Variants in SORBS2 observed in about 807,000 individuals in gnomAD.
SORBS2 encodes sorbin and SH3 domain containing 2, also known as sorbin and SH3 domain-containing protein 2.
SORBS2 carries 46 observed loss-of-function variants against 97.7 expected under a neutral mutation model. The observed-to-expected ratio is 0.47, with a 90% CI of 0.37 to 0.60. The LOEUF is 0.60. Ranked by LOEUF, SORBS2 falls within the 20% of genes least tolerant of loss-of-function variation. The probability of loss-of-function intolerance (pLI) is 0.00; values close to 1 mark genes in which losing one functional copy is unlikely to be tolerated. For synonymous variants in SORBS2, 476 were observed against 473.4 expected (o/e 1.01, Z -0.07); for missense variants, 1,316 against 1,282.3 (o/e 1.03, Z -0.40).
At chr4:185,808,832 ATTAGTT>A (rs929762733) in intron 1 of SORBS2, among the ~76,000 whole-genome samples, 30 of 152,326 alleles carry the variant, frequency 2.0e-4, no homozygotes, top group African/African-American at 5.8e-4. Context: ...TCAACTCAAC[ATTAGTT>A]TTAAACAGTC....
At chr4:185,915,279 T>C (rs1299205518) in intron 1 of SORBS2, among the ~76,000 whole-genome samples, 1 of 152,272 alleles carries the variant, frequency 6.6e-6, no homozygotes, top group Non-Finnish European at 1.5e-5. Context: ...TCCTCAGTTT[T>C]ATCTCATAGA....
chr4:185,885,229 A>G (rs1475619142), intron 1 of SORBS2, among the ~76,000 whole-genome samples: 1 of 152,248 alleles, frequency 6.6e-6, no homozygotes, highest in Non-Finnish European at 1.5e-5. Context: ...TGGGAAAGTT[A>G]GCAAATCCTC....
chr4:185,718,110 A>G (rs2153557216), intron 2 of SORBS2, among the ~76,000 whole-genome samples: 1 of 152,262 alleles, frequency 6.6e-6, no homozygotes, highest in South Asian at 2.1e-4. Flanking sequence ...GGGCGCCTAT[A>G]ATCCCAGCTA....
intron 1 of SORBS2, among the ~76,000 whole-genome samples, chr4:185,943,055 A>T (rs920872822): frequency 6.6e-6 from 1 of 152,236 alleles, no homozygotes; most frequent in Admixed American, 6.5e-5. Flanking sequence ...AGGTGGTTTA[A>T]TGCAACAATA....
chr4:185,666,018 A>G (rs1402065413), intron 4 of SORBS2: 1 of 1,289,140 alleles, frequency 7.8e-7, no homozygotes, highest in African/African-American at 1.5e-5. Context: ...GCAGGCGTGA[A>G]GACCCCACAC....
chr4:185,857,529 C>G (rs1173731404), intron 1 of SORBS2, among the ~76,000 whole-genome samples: 1 of 152,142 alleles, frequency 6.6e-6, no homozygotes, highest in Non-Finnish European at 1.5e-5. Flanking sequence ...TGAAAAAGAA[C>G]AGAATAACAG....
At chr4:185,669,989 C>A (rs757371698) in intron 4 of SORBS2, among the ~76,000 whole-genome samples, 4 of 152,070 alleles carry the variant, frequency 2.6e-5, no homozygotes, top group African/African-American at 9.7e-5. Context: ...GAGGCTGAGG[C>A]GGGCAGATCA....
chr4:185,919,518 A>T (rs778667198), intron 1 of SORBS2: 2 of 152,206 alleles, frequency 1.3e-5, no homozygotes, highest in Non-Finnish European at 2.9e-5. Flanking sequence ...CAAGCATTTG[A>T]TAATAATTAA....
At chr4:185,638,983 G>GTCGGGA (rs749955040) in intron 4 of SORBS2, 1 of 1,523,754 alleles carries the variant, frequency 6.6e-7, no homozygotes, top group South Asian at 1.2e-5. Flanking sequence ...GCTAGAAAGA[G>GTCGGGA]GCTTCCGGCC....
chr4:185,783,011 T>C (rs893558702), intron 1 of SORBS2, among the ~76,000 whole-genome samples: 5 of 152,166 alleles, frequency 3.3e-5, no homozygotes, highest in African/African-American at 4.8e-5. Context: ...TTCTGAGACA[T>C]TAAAAAACTG....
At chr4:185,626,083 C>T (rs1032316017) in intron 6 of SORBS2, among the ~76,000 whole-genome samples, 7 of 151,888 alleles carry the variant, frequency 4.6e-5, no homozygotes, top group Non-Finnish European at 8.8e-5. Flanking sequence ...CAGAAATATT[C>T]CTGTCCTCAA....
chr4:185,644,166 AG>A (rs913768454), intron 4 of SORBS2, among the ~76,000 whole-genome samples: 4 of 152,106 alleles, frequency 2.6e-5, no homozygotes, highest in Admixed American at 2.0e-4. Flanking sequence ...ATTGTTTAGG[AG>A]GGTTAACATT....
At chr4:185,664,665 G>A (rs2097571515) in intron 4 of SORBS2, among the ~76,000 whole-genome samples, 2 of 152,178 alleles carry the variant, frequency 1.3e-5, no homozygotes, top group Non-Finnish European at 2.9e-5. Flanking sequence ...CACAGCCATT[G>A]GGGGAATACC....
chr4:185,818,797 G>T lies in SORBS2; in HGVS notation c.-337-43431C>A, dbSNP rs112132391. On this transcript the variant is annotated intron_variant, in intron 1 of 20. Coordinates refer to the SORBS2 transcript ENST00000284776. ...GCCGAGATCGTGCCACTGCACTCCA[G>T]CCTGGGTGACAGAGCGAGACTCTGT... is the stretch of plus-strand genomic sequence containing the variant. Among the ~76,000 whole-genome samples, 815 of 150,998 alleles carry T rather than the reference G, an allele frequency of 5.4e-3. 7 individuals are homozygous for T. Among genetic ancestry groups the T allele is most frequent in the Non-Finnish European group, 8.2e-3 (559 of 67,816 alleles).
chr4:185,657,215 A>G (rs2097421405), upstream of SORBS2: 4 of 441,964 alleles, frequency 9.1e-6, no homozygotes, highest in South Asian at 2.6e-4. Flanking sequence ...ATGATGTTTC[A>G]TTCAAATGGA....
At chr4:185,605,831 T>C (rs961221540) in intron 12 of SORBS2, among the ~76,000 whole-genome samples, 8 of 152,204 alleles carry the variant, frequency 5.3e-5, no homozygotes, top group South Asian at 2.1e-4. Context: ...GTGATCTGCC[T>C]GCCTCGGCCT....
intron 1 of SORBS2, among the ~76,000 whole-genome samples, chr4:185,827,018 T>C (rs1188040392): frequency 8.5e-6 from 1 of 117,830 alleles, no homozygotes; most frequent in Non-Finnish European, 1.8e-5. Flanking sequence ...TACGTCATCA[T>C]CATCATCACC....
At chr4:185,942,411 T>C (rs55690430) in intron 1 of SORBS2, among the ~76,000 whole-genome samples, 3 of 151,574 alleles carry the variant, frequency 2.0e-5, no homozygotes, top group South Asian at 2.1e-4. Flanking sequence ...AGTGCAGTGG[T>C]GTGATCTTGG....
rs1207578871 is a variant in SORBS2 at position 185,768,698 on chromosome 4, CA to C, written c.-198+6528del. Among the ~76,000 whole-genome samples, 286 of 84,788 alleles carry C rather than the reference CA, an allele frequency of 3.4e-3. 3 individuals carry two copies. The highest frequency in any genetic ancestry group is 0.024 in the Middle Eastern group (4 of 170). 55.6% of individuals were successfully genotyped at this position (84,788 alleles called of 152,430 possible). ...TGGGCAACAGAGTGAGACTCTGTCTCAAAAAAAAAAAAACAAAAAAACAAAA... is the reference window on the plus strand; with the variant it reads ...TGGGCAACAGAGTGAGACTCTGTCTCAAAAAAAAAAAACAAAAAAACAAAA... On this transcript the variant is annotated intron_variant, in intron 2 of 20. Transcript: ENST00000284776.
Sources: gnomAD v4.1 joint callset for allele counts (sites outside exome capture counted in the v4.1 genomes callset) on GRCh38, gnomAD v4.1.1 for gene constraint, MANE v1.5 for transcripts, NCBI Gene and HGNC (gene_info 2026-07-23, HGNC 2026-07-21) for gene names.